The following STAU2 variants were observed in gnomAD, a reference collection of about 807,000 sequenced individuals.
STAU2 encodes double-stranded RNA-binding protein Staufen homolog 2.
In STAU2, 20 loss-of-function variants were observed where a neutral mutation model predicts 65.9. That is an observed-to-expected ratio of 0.30 (90% confidence interval 0.21 to 0.44). STAU2 has a LOEUF of 0.44. STAU2 is among the 20% of genes least tolerant of loss of function. STAU2 has a pLI of 1.00. For synonymous variants in STAU2, 232 were observed against 233.9 expected (o/e 0.99, Z 0.07); for missense variants, 558 against 683.9 (o/e 0.82, Z 2.05).
intron 12 of STAU2, among the ~76,000 whole-genome samples, chr8:73,565,840 C>T (rs888429727): frequency 2.0e-5 from 3 of 152,102 alleles, no homozygotes; most frequent in African/African-American, 7.2e-5. Flanking sequence ...GAACTTAACT[C>T]TTGTTTATAT....
chr8:73,543,282 G>A (rs139922392), intron 13 of STAU2, among the ~76,000 whole-genome samples: 2 of 152,264 alleles, frequency 1.3e-5, no homozygotes, highest in East Asian at 3.9e-4. Context: ...CGGCGGCAAG[G>A]GCGGAGGCAA....
At chr8:73,657,552 G>A (rs1477268361) in intron 6 of STAU2, among the ~76,000 whole-genome samples, 2 of 152,102 alleles carry the variant, frequency 1.3e-5, no homozygotes, top group Admixed American at 6.5e-5. Context: ...TCAAATGAAT[G>A]AATTAAATTC....
chr8:73,437,172 C>A (rs573374343), intron 13 of STAU2, among the ~76,000 whole-genome samples: 1 of 152,272 alleles, frequency 6.6e-6, no homozygotes, highest in South Asian at 2.1e-4. Flanking sequence ...CCCAAAGATG[C>A]CCATGTCCTA....
At chr8:73,568,126 T>A (rs1808757531) in intron 12 of STAU2, among the ~76,000 whole-genome samples, 1 of 152,236 alleles carries the variant, frequency 6.6e-6, no homozygotes, top group African/African-American at 2.4e-5. Context: ...TAGTGCTTCA[T>A]AATTGATGCT....
At chr8:73,488,609 CT>C (rs1821027456) in intron 13 of STAU2, among the ~76,000 whole-genome samples, 1 of 151,330 alleles carries the variant, frequency 6.6e-6, no homozygotes, top group Admixed American at 6.6e-5. Flanking sequence ...GATTCAGTTA[CT>C]TAAACTGTTT....
chr8:73,723,353 T>C (rs1821815865), intron 3 of STAU2, among the ~76,000 whole-genome samples: 1 of 152,248 alleles, frequency 6.6e-6, no homozygotes, highest in Non-Finnish European at 1.5e-5. Context: ...AAACATTATT[T>C]GAGGACCTGC....
chr8:73,463,256 CA>C (rs557382612), intron 13 of STAU2, among the ~76,000 whole-genome samples: 13 of 152,232 alleles, frequency 8.5e-5, no homozygotes, highest in Non-Finnish European at 1.9e-4. Flanking sequence ...TGGCAACATG[CA>C]TGTGCTGGAC....
intron 3 of STAU2, among the ~76,000 whole-genome samples, chr8:73,720,005 C>A (rs2130701176): frequency 6.6e-6 from 1 of 152,226 alleles, no homozygotes; most frequent in South Asian, 2.1e-4. Flanking sequence ...CAGGGCTAGG[C>A]ATGATAGCTC....
chr8:73,682,833 A>T (rs1308253854), intron 5 of STAU2, among the ~76,000 whole-genome samples: 1 of 152,182 alleles, frequency 6.6e-6, no homozygotes, highest in Non-Finnish European at 1.5e-5. Context: ...GCTACTATGA[A>T]CACCTTTACA....
At chr8:73,602,334 T>C (rs1811695615) in intron 10 of STAU2, among the ~76,000 whole-genome samples, 1 of 152,234 alleles carries the variant, frequency 6.6e-6, no homozygotes, top group South Asian at 2.1e-4. Flanking sequence ...CACTTAATAT[T>C]TGTTGATTTT....
chr8:73,526,717 T>C (rs1026404477), intron 13 of STAU2, among the ~76,000 whole-genome samples: 2 of 152,224 alleles, frequency 1.3e-5, no homozygotes, highest in Non-Finnish European at 2.9e-5. Flanking sequence ...ATTTAGGACA[T>C]TAGTTTAGTC....
At chr8:73,493,342 TAA>T (rs2128916303) in intron 13 of STAU2, among the ~76,000 whole-genome samples, 1 of 151,806 alleles carries the variant, frequency 6.6e-6, no homozygotes, top group East Asian at 1.9e-4. Flanking sequence ...TAAGGAAGCC[TAA>T]GAGACTAAGA....
At chr8:73,433,563 C>T (rs1817471383) in intron 13 of STAU2, among the ~76,000 whole-genome samples, 1 of 149,030 alleles carries the variant, frequency 6.7e-6, no homozygotes, top group African/African-American at 2.5e-5. Flanking sequence ...TGCAGTGGCA[C>T]AATATCAGCT....
intron 11 of STAU2, among the ~76,000 whole-genome samples, chr8:73,585,411 CGGAG>C (rs1485284479): frequency 6.6e-6 from 1 of 152,186 alleles, no homozygotes; most frequent in African/African-American, 2.4e-5. Context: ...ACCCGGGAGG[CGGAG>C]GTTGCAGTGA....
chr8:73,640,057 A>G (rs1182672936), intron 6 of STAU2, among the ~76,000 whole-genome samples: 1 of 152,130 alleles, frequency 6.6e-6, no homozygotes, highest in East Asian at 1.9e-4. Flanking sequence ...AATTATTTTT[A>G]AAAAGAACTT....
At chr8:73,636,908 A>G (rs956108469) in intron 6 of STAU2, among the ~76,000 whole-genome samples, 3 of 152,176 alleles carry the variant, frequency 2.0e-5, no homozygotes, top group Admixed American at 6.5e-5. Flanking sequence ...ACTATGTTCA[A>G]AGAGATCAAA....
intron 13 of STAU2, among the ~76,000 whole-genome samples, chr8:73,504,761 T>C (rs1821965867): frequency 6.6e-6 from 1 of 152,132 alleles, no homozygotes; most frequent in African/African-American, 2.4e-5. Flanking sequence ...TTATATAGAT[T>C]TTTAAAATAA....
intron 6 of STAU2, among the ~76,000 whole-genome samples, chr8:73,657,953 G>T (rs1188493218): frequency 6.6e-6 from 1 of 151,932 alleles, no homozygotes; most frequent in Non-Finnish European, 1.5e-5. Flanking sequence ...GGCGGAGGTT[G>T]CAGTGAACCA....
At chr8:73,603,661 C>G (rs1811801477) in intron 10 of STAU2, 65 bp downstream of exon 10, 1 of 1,555,024 alleles carries the variant, frequency 6.4e-7, no homozygotes, top group African/African-American at 1.4e-5. Context: ...TGCCTTTCGC[C>G]CAAATGCCTA....
Sources: allele counts gnomAD v4.1 joint callset (sites outside exome capture counted in the v4.1 genomes callset), GRCh38; gene constraint gnomAD v4.1.1; transcripts MANE v1.5; gene names NCBI Gene and HGNC (gene_info 2026-07-23, HGNC 2026-07-21).